TRDN: variants seen among roughly 807,000 people sequenced by gnomAD.
The protein encoded by TRDN is triadin in skeletal muscle.
Under a neutral mutation model 149.7 loss-of-function variants are expected in TRDN, and 161 were observed. The observed-to-expected ratio is 1.08, with a 90% CI of 0.95 to 1.23. The LOEUF (loss-of-function observed/expected upper bound fraction) is 1.23. TRDN is among the 50% of genes most tolerant of loss of function. The pLI is 0.00. For missense variants in TRDN, 896 were observed against 823.5 expected (o/e 1.09, Z -1.08); for synonymous variants, 294 against 250.5 (o/e 1.17, Z -1.64).
At chr6:123,622,219 T>G (rs1785422831) in intron 1 of TRDN, among the ~76,000 whole-genome samples, 1 of 152,066 alleles carries the variant, frequency 6.6e-6, no homozygotes, top group African/African-American at 2.4e-5. Context: ...AAATGGATAC[T>G]AAATATATTT....
chr6:123,477,657 A>T (rs1267169088), intron 9 of TRDN, among the ~76,000 whole-genome samples: 2 of 151,986 alleles, frequency 1.3e-5, no homozygotes, highest in African/African-American at 4.8e-5. Flanking sequence ...CTTGGAACCA[A>T]CCCAAATGTC....
intron 20 of TRDN, among the ~76,000 whole-genome samples, chr6:123,356,017 C>G (rs571386981): frequency 2.0e-5 from 3 of 151,728 alleles, no homozygotes; most frequent in African/African-American, 7.2e-5. Context: ...AGCAATTTTC[C>G]TCTATAGATT....
intron 40 of TRDN, among the ~76,000 whole-genome samples, chr6:123,219,178 G>A (rs1371888646): frequency 6.6e-6 from 1 of 151,802 alleles, no homozygotes; most frequent in Non-Finnish European, 1.5e-5. Context: ...ACAGAGAGGT[G>A]GTGCCAACAT....
At chr6:123,345,954 A>G (rs1237818043) in intron 21 of TRDN, among the ~76,000 whole-genome samples, 1 of 152,064 alleles carries the variant, frequency 6.6e-6, no homozygotes, top group Non-Finnish European at 1.5e-5. Context: ...GGAATTTTCT[A>G]CATAAATAAG....
At chr6:123,601,639 T>C (rs1442623299) in intron 1 of TRDN, among the ~76,000 whole-genome samples, 1 of 152,122 alleles carries the variant, frequency 6.6e-6, no homozygotes, top group East Asian at 1.9e-4. Context: ...AGAGAGAACA[T>C]GTCAGATTTG....
At chr6:123,580,789 C>A (rs1783083803) in intron 1 of TRDN, among the ~76,000 whole-genome samples, 1 of 152,200 alleles carries the variant, frequency 6.6e-6, no homozygotes, top group Non-Finnish European at 1.5e-5. Flanking sequence ...AACCTCTCTA[C>A]TTTGGAACAC....
intron 1 of TRDN, among the ~76,000 whole-genome samples, chr6:123,602,312 T>A (rs1308071147): frequency 6.6e-6 from 1 of 151,934 alleles, no homozygotes; most frequent in East Asian, 1.9e-4. Context: ...TTATTCTAAG[T>A]GAAGTAACAC....
In TRDN at chr6:123,350,623, C is replaced by A. The variant is rs1050481842; in HGVS notation, c.1369+1916G>T. The A allele has an allele frequency of 4.0e-6, 3 of 750,248 alleles. No individual in the cohort carries two copies. The Admixed American group carries it at 1.9e-4, about 47-fold the overall frequency. 46.5% of individuals were successfully genotyped at this position (750,248 alleles called of 1,614,324 possible). On this transcript the variant is annotated intron_variant, in intron 21 of 40. Transcript: ENST00000334268. Reference sequence around the variant, plus strand: ...ACTTCTCATATTACTTTATTAAAAGCACAAAATATCTATTTTTTGTATCAG... The same window carrying A: ...ACTTCTCATATTACTTTATTAAAAGAACAAAATATCTATTTTTTGTATCAG...
intron 24 of TRDN, among the ~76,000 whole-genome samples, chr6:123,292,888 T>C (rs745866147): frequency 4.6e-5 from 7 of 152,312 alleles, no homozygotes; most frequent in Non-Finnish European, 1.0e-4. Context: ...TTCTTCCTGA[T>C]TGTAATACTT....
At chr6:123,631,903 C>T (rs1786025431) in intron 1 of TRDN, among the ~76,000 whole-genome samples, 1 of 152,002 alleles carries the variant, frequency 6.6e-6, no homozygotes, top group African/African-American at 2.4e-5. Flanking sequence ...TCACCTCCTT[C>T]ATAAATATTT....
chr6:123,529,735 A>G (rs1780138164), intron 5 of TRDN, among the ~76,000 whole-genome samples: 1 of 151,990 alleles, frequency 6.6e-6, no homozygotes, highest in Admixed American at 6.6e-5. Flanking sequence ...TGCATTATAC[A>G]AATATAGTTA....
chr6:123,573,555 A>G (rs1782681805), intron 1 of TRDN, among the ~76,000 whole-genome samples: 2 of 152,172 alleles, frequency 1.3e-5, no homozygotes, highest in East Asian at 1.9e-4. Context: ...TTTCCATTTA[A>G]TAAGCACATA....
At chr6:123,440,757 A>G (rs1774831332) in intron 10 of TRDN, among the ~76,000 whole-genome samples, 1 of 152,222 alleles carries the variant, frequency 6.6e-6, no homozygotes, top group Non-Finnish European at 1.5e-5. Context: ...AACTTCACAA[A>G]GAAAGTAGAT....
intron 12 of TRDN, among the ~76,000 whole-genome samples, chr6:123,433,749 AGATGAT>A (rs1161796644): frequency 6.6e-6 from 1 of 152,162 alleles, no homozygotes; most frequent in Non-Finnish European, 1.5e-5. Context: ...TAAACATATA[AGATGAT>A]GACAAATTTA....
At chr6:123,609,899 A>G (rs1237086337) in intron 1 of TRDN, among the ~76,000 whole-genome samples, 1 of 152,124 alleles carries the variant, frequency 6.6e-6, no homozygotes, top group Non-Finnish European at 1.5e-5. Context: ...CTAAAAAAGG[A>G]GGCACTCGGT....
intron 37 of TRDN, 119 bp downstream of exon 37, chr6:123,254,962 T>C (rs574323820): frequency 8.2e-5 from 53 of 643,196 alleles, no homozygotes; most frequent in Middle Eastern, 5.3e-4. Context: ...CCTCTGCTAT[T>C]AAGAGAAGTT....
intron 12 of TRDN, among the ~76,000 whole-genome samples, chr6:123,409,690 T>TACACAC (rs5879677): frequency 0.03 from 4,457 of 149,344 alleles, 146 homozygotes; most frequent in African/African-American, 0.081. Flanking sequence ...TAATGTAATT[T>TACACAC]ACACACACAC....
At chr6:123,563,288 G>A (rs566358711) in intron 2 of TRDN, among the ~76,000 whole-genome samples, 1 of 152,238 alleles carries the variant, frequency 6.6e-6, no homozygotes, top group South Asian at 2.1e-4. Flanking sequence ...TTTAAACCTG[G>A]AATACTTCCA....
intron 38 of TRDN, among the ~76,000 whole-genome samples, chr6:123,237,395 A>G (rs1775826487): frequency 6.6e-6 from 1 of 152,022 alleles, no homozygotes. Context: ...GACTACAGGT[A>G]AGTGCCACCA....
Sources: gnomAD v4.1 joint callset for allele counts (sites outside exome capture counted in the v4.1 genomes callset) on GRCh38, gnomAD v4.1.1 for gene constraint, MANE v1.5 for transcripts, NCBI Gene and HGNC (gene_info 2026-07-23, HGNC 2026-07-21) for gene names.